DSCAM: variants seen among roughly 807,000 people sequenced by gnomAD.
DSCAM encodes the protein DS cell adhesion molecule, also known as cell adhesion molecule DSCAM.
A neutral mutation model predicts 217.7 loss-of-function variants in DSCAM; 47 were observed. The observed-to-expected ratio is 0.22, with a 90% CI of 0.17 to 0.28. DSCAM has a LOEUF of 0.28. Among genes scored for constraint, DSCAM ranks in the 10% least tolerant of loss-of-function variants. The pLI, the probability that DSCAM is intolerant of heterozygous loss-of-function variation, is 1.00. For missense variants in DSCAM, 2,080 were observed against 2,618.3 expected (o/e 0.79, Z 4.49); for synonymous variants, 1,056 against 1,015.3 (o/e 1.04, Z -0.76).
At chr21:40,326,685 C>T (rs2074320811) in intron 8 of DSCAM, among the ~76,000 whole-genome samples, 1 of 152,034 alleles carries the variant, frequency 6.6e-6, no homozygotes, top group Admixed American at 6.6e-5. Flanking sequence ...ACAATCACAG[C>T]CATGTAGAAA....
Position 40,403,159 on chromosome 21 carries a change from T to C in DSCAM, c.509-33914A>G, listed in dbSNP as rs1019831373. Among the ~76,000 whole-genome samples the C allele has an allele frequency of 2.6e-5, 4 of 152,226 alleles. No individual in the cohort carries two copies. The East Asian group carries it at 5.8e-4, about 22-fold the overall frequency. ...TGATGTGGAATGATTAGAAAGGACA[T>C]AATTATTAAAAGCATCACTATATAT... On this transcript the variant is annotated intron_variant, in intron 3 of 32. Coordinates refer to ENST00000400454, the MANE Select transcript of DSCAM (RefSeq NM_001389.5).
rs114681938 is a variant in DSCAM at position 40,226,318 on chromosome 21, A to C, written c.2357-37080T>G. On this transcript the variant is annotated intron_variant, in intron 11 of 32. Coordinates refer to ENST00000400454, the MANE Select transcript of DSCAM (RefSeq NM_001389.5). ...CATAGTTTTATTTATTACTTGGTAG[A>C]CAATTCTTTGTAATTCAGTGGGTTC... Among the ~76,000 whole-genome samples, 667 of 152,306 alleles carry C rather than the reference A, an allele frequency of 4.4e-3. 7 individuals carry two copies. The highest frequency in any genetic ancestry group is 0.015 in the African/African-American group (644 of 41,566).
intron 15 of DSCAM, among the ~76,000 whole-genome samples, chr21:40,174,555 A>C (rs1018914259): frequency 2.0e-5 from 3 of 150,034 alleles, no homozygotes; most frequent in Middle Eastern, 3.4e-3. Flanking sequence ...TTAAAGATGA[A>C]AAAACTATGC....
chr21:40,373,732 G>A (rs2074922313), intron 3 of DSCAM, among the ~76,000 whole-genome samples: 1 of 152,068 alleles, frequency 6.6e-6, no homozygotes, highest in African/African-American at 2.4e-5. Context: ...CTGGTTTGAG[G>A]TGCAATAAGC....
At chr21:40,761,191 G>A (rs889287527) in intron 1 of DSCAM, among the ~76,000 whole-genome samples, 3 of 152,276 alleles carry the variant, frequency 2.0e-5, no homozygotes, top group Non-Finnish European at 2.9e-5. Context: ...GGCTCATCAC[G>A]AAGATGCAGT....
chr21:40,451,357 A>T (rs572575497), intron 3 of DSCAM, among the ~76,000 whole-genome samples: 40 of 152,330 alleles, frequency 2.6e-4, no homozygotes, highest in African/African-American at 9.6e-4. Flanking sequence ...TGAAACATAA[A>T]TCTTTATAAA....
chr21:40,088,264 G>A (rs893972076), intron 21 of DSCAM, among the ~76,000 whole-genome samples: 4 of 152,110 alleles, frequency 2.6e-5, no homozygotes, highest in Admixed American at 6.5e-5. Context: ...GCCTTGAACT[G>A]ATTCAGAGCC....
intron 3 of DSCAM, among the ~76,000 whole-genome samples, chr21:40,490,220 C>A (rs2076065605): frequency 6.6e-6 from 1 of 152,176 alleles, no homozygotes; most frequent in African/African-American, 2.4e-5. Context: ...GGGCCCCTCC[C>A]ATGACACGTG....
Position 40,334,305 on chromosome 21 carries a change from A to G in DSCAM, c.1783+3796T>C, listed in dbSNP as rs1052565389. ...GTATTTCAACCTCAACACATCGATA[A>G]CTAGACTCCTAATCGCCTTCCTCAA... On this transcript the variant is annotated intron_variant, in intron 8 of 32. Transcript: ENST00000400454. 2.0e-5 allele frequency among the ~76,000 whole-genome samples: 3 copies of G among 152,094 alleles called. No individual in the cohort carries two copies. The South Asian group carries it at 6.2e-4, about 32-fold the overall frequency.
chr21:40,338,074 T>A (rs1653908378), intron 8 of DSCAM, 27 bp downstream of exon 8: 4 of 1,608,884 alleles, frequency 2.5e-6, no homozygotes, highest in Non-Finnish European at 3.4e-6. Context: ...GAATGAGTTG[T>A]GTGGGAACCA....
intron 3 of DSCAM, among the ~76,000 whole-genome samples, chr21:40,593,358 C>G (rs556158523): frequency 1.1e-4 from 16 of 150,214 alleles, no homozygotes; most frequent in Admixed American, 4.6e-4. Context: ...TGGAGTCTTG[C>G]TCTGTCGCAC....
chr21:40,522,652 A>G (rs902906081), intron 3 of DSCAM, among the ~76,000 whole-genome samples: 5 of 152,304 alleles, frequency 3.3e-5, no homozygotes, highest in African/African-American at 1.2e-4. Flanking sequence ...AACAGAATTG[A>G]TCAGCTGATA....
chr21:40,103,834 CTATA>C (rs1204294872), intron 20 of DSCAM, among the ~76,000 whole-genome samples: 2 of 149,804 alleles, frequency 1.3e-5, no homozygotes, highest in Non-Finnish European at 3.0e-5. Flanking sequence ...ATATATATGT[CTATA>C]TATATGACTA....
intron 14 of DSCAM, among the ~76,000 whole-genome samples, chr21:40,185,471 C>T (rs1485123312): frequency 6.6e-6 from 1 of 152,198 alleles, no homozygotes; most frequent in African/African-American, 2.4e-5. Context: ...AATGCCCGCT[C>T]CTCCATGAGG....
At chr21:40,274,487 T>A (rs528951430) in intron 11 of DSCAM, among the ~76,000 whole-genome samples, 201 of 152,330 alleles carry the variant, frequency 1.3e-3, no homozygotes, top group African/African-American at 4.7e-3. Context: ...TAGATATGTG[T>A]TTATGGACTA....
intron 1 of DSCAM, among the ~76,000 whole-genome samples, chr21:40,842,415 A>G (rs1004686878): frequency 2.0e-5 from 3 of 152,218 alleles, no homozygotes; most frequent in Admixed American, 2.0e-4. Flanking sequence ...CCTATTAATT[A>G]TTTATGAGCC....
intron 18 of DSCAM, among the ~76,000 whole-genome samples, chr21:40,136,489 C>T (rs1436422269): frequency 1.3e-5 from 2 of 152,116 alleles, no homozygotes; most frequent in Non-Finnish European, 2.9e-5. Flanking sequence ...TTTAAACAAA[C>T]TAATTAAAAA....
At chr21:40,544,432 C>T (rs1050029577) in intron 3 of DSCAM, among the ~76,000 whole-genome samples, 5 of 152,122 alleles carry the variant, frequency 3.3e-5, no homozygotes, top group African/African-American at 1.2e-4. Context: ...CAGATGAAAT[C>T]ATCCTGAATT....
At chr21:40,402,893 C>G (rs921309965) in intron 3 of DSCAM, among the ~76,000 whole-genome samples, 1 of 152,014 alleles carries the variant, frequency 6.6e-6, no homozygotes, top group African/African-American at 2.4e-5. Flanking sequence ...TAAATTATTT[C>G]TTTGTATTAC....
Sources: allele counts gnomAD v4.1 joint callset (sites outside exome capture counted in the v4.1 genomes callset), GRCh38; gene constraint gnomAD v4.1.1; transcripts MANE v1.5; gene names NCBI Gene and HGNC (gene_info 2026-07-23, HGNC 2026-07-21).